The following INPP5B variants were observed in gnomAD, a reference collection of about 807,000 sequenced individuals.
The protein encoded by INPP5B is inositol polyphosphate-5-phosphatase B.
Under a neutral mutation model 118.5 loss-of-function variants are expected in INPP5B, and 90 were observed. That is an observed-to-expected ratio of 0.76 (90% CI 0.64 to 0.90). INPP5B has a LOEUF of 0.90. Among genes scored for constraint, INPP5B ranks in the 40% least tolerant of loss-of-function variants. The pLI is 0.00. For missense variants in INPP5B, 984 were observed against 1,125.6 expected, an observed-to-expected ratio of 0.87 and a Z score of 1.80; for synonymous variants, 385 against 418.9, an observed-to-expected ratio of 0.92 and a Z score of 0.99.
At chr1:37,917,434 C>A (rs1298258535) in intron 7 of INPP5B, among the ~76,000 whole-genome samples, 1 of 149,780 alleles carries the variant, frequency 6.7e-6, no homozygotes, top group Non-Finnish European at 1.5e-5. Context: ...AGCAATTCTC[C>A]TGCCTCAGCC....
intron 8 of INPP5B, among the ~76,000 whole-genome samples, chr1:37,890,040 G>A (rs959994055): frequency 2.6e-5 from 4 of 152,080 alleles, no homozygotes. Context: ...TGTCATTAAC[G>A]CCTCACCCAC....
intron 7 of INPP5B, among the ~76,000 whole-genome samples, chr1:37,894,717 A>C (rs1431197428): frequency 6.6e-6 from 1 of 151,948 alleles, no homozygotes; most frequent in East Asian, 1.9e-4. Context: ...ACGCAACACC[A>C]CACTCAAGTA....
chr1:37,893,063 G>GT (rs1341962813), intron 7 of INPP5B, among the ~76,000 whole-genome samples: 5 of 114,904 alleles, frequency 4.4e-5, no homozygotes, highest in African/African-American at 1.4e-4. Context: ...TTTCCTGTAT[G>GT]TTTTTTTATT....
Position 37,875,669 on chromosome 1 carries a change from A to G in INPP5B, c.1725T>C (p.Ile575=), listed in dbSNP as rs376043866. 18 of 1,614,018 alleles carry G rather than the reference A, an allele frequency of 1.1e-5. No homozygotes were observed. The highest frequency in any genetic ancestry group is 1.7e-5 in the Admixed American group (1 of 59,996). The change falls in exon 17 of 24, where the codon ATT becomes ATC. Residue 575 remains isoleucine (I), a synonymous_variant. Transcript: ENST00000373024. The stretch of plus-strand genomic sequence containing the variant: ...TTTCCATCTTATCCAGGGAGCGAAC[A>G]ATTTCCTCCAGTGTCTTCCGGTAAA... ...DELYRKTLEE[I]VRSLDKMENA... is the part of the protein sequence containing the mutation.
intron 5 of INPP5B, among the ~76,000 whole-genome samples, 170 bp from the exon 6 acceptor site, chr1:37,940,968 G>A (rs1007372102): frequency 2.6e-5 from 4 of 152,116 alleles, no homozygotes; most frequent in African/African-American, 9.7e-5. Context: ...TCTGTACCCT[G>A]AGTTCCAAAT....
At chr1:37,864,641 C>T (rs1019941311) in intron 22 of INPP5B, 12 of 378,336 alleles carry the variant, frequency 3.2e-5, no homozygotes, top group South Asian at 1.1e-4. Flanking sequence ...TCCTATAAGA[C>T]TGAAAGAAAT....
chr1:37,940,784 C>T lies in INPP5B; in HGVS notation c.295G>A (p.Val99Ile), dbSNP rs200111067. The change falls in exon 6 of 24, where the codon GTC becomes ATC. Residue 99 changes from valine to isoleucine, a missense_variant. By Grantham distance (29) the Val-to-Ile change is conservative. Transcript: ENST00000373024. ...ELYILGSDVT[V>I]QLDTAELSLV... Reference sequence around the variant, plus strand: ...CTAAGCTCTGCTGTGTCCAGCTGGACGGTCACATCTGAGCCTGCACAAAGG... The same window carrying T: ...CTAAGCTCTGCTGTGTCCAGCTGGATGGTCACATCTGAGCCTGCACAAAGG... 5.6e-5 allele frequency: 90 copies of T among 1,612,914 alleles called. No homozygotes were observed. In the Admixed American group the frequency reaches 5.8e-4, roughly 10 times the overall value.
chr1:37,862,574 T>G (rs1641763668), intron 23 of INPP5B, 144 bp from the exon 24 acceptor site: 1 of 645,104 alleles, frequency 1.6e-6, no homozygotes, highest in African/African-American at 1.8e-5. Context: ...GTACTTAAAC[T>G]TTCACAAACC....
Position 37,908,464 on chromosome 1 carries a change from G to T in INPP5B, c.533-17010C>A, listed in dbSNP as rs577092235. On this transcript the variant is annotated intron_variant, in intron 7 of 23. Transcript: ENST00000373024. ...TAGAGACAAGGAGACGGCCAGGTGC[G>T]GTGGCTCACGCCTGCAATCCCAGCT... 4.6e-5 allele frequency among the ~76,000 whole-genome samples: 7 copies of T among 152,190 alleles called. No individual in the cohort carries two copies. In the South Asian group the frequency reaches 1.5e-3, roughly 32 times the overall value.
Position 37,887,456 on chromosome 1 carries a change from C to G in INPP5B, c.909G>C (p.Glu303Asp), listed in dbSNP as rs771767407. 1 of 1,593,144 alleles carries G rather than the reference C, an allele frequency of 6.3e-7. No individual in the cohort carries two copies. Among genetic ancestry groups the G allele is most frequent in the Non-Finnish European group, 8.6e-7 (1 of 1,166,034 alleles). The change falls in exon 11 of 24, where the codon GAG becomes GAC. Residue 303 changes from glutamate (E) to aspartate (D), a missense_variant. Glu to Asp is a conservative substitution (Grantham distance 45). Transcript: ENST00000373024. Reference sequence around the variant, plus strand: ...AAAAAGCTTCCTTACTCAGATCAAGCTCCTGGAACCTATTTTGAGAAGCAA... The same window carrying G: ...AAAAAGCTTCCTTACTCAGATCAAGGTCCTGGAACCTATTTTGAGAAGCAA... ...APDVYCVGFQ[E>D]LDLSKEAFFF... is the part of the protein sequence containing the mutation.
At chr1:37,882,098 C>CA (rs527571929) in intron 14 of INPP5B, among the ~76,000 whole-genome samples, 1,769 of 104,638 alleles carry the variant, frequency 0.017, 29 homozygotes, top group African/African-American at 0.054. Context: ...GACTCTGTCT[C>CA]AAAAAAAAAA....
intron 6 of INPP5B, among the ~76,000 whole-genome samples, chr1:37,938,270 A>AAAATAAATAAATAAATAAAT (rs71057106): frequency 2.8e-4 from 33 of 118,842 alleles, no homozygotes; most frequent in African/African-American, 8.0e-4. Context: ...CTCTGTCTCA[A>AAAATAAATAAATAAATAAAT]AAATAAATAA....
chr1:37,931,866 C>A (rs571103749), intron 7 of INPP5B, 47 bp downstream of exon 7: 7 of 1,613,038 alleles, frequency 4.3e-6, no homozygotes, highest in South Asian at 3.3e-5. Flanking sequence ...CCCCCTGTGG[C>A]CGGGCCTCCT....
At chr1:37,939,454 T>TG (rs1323639518) in intron 6 of INPP5B, among the ~76,000 whole-genome samples, 1 of 150,248 alleles carries the variant, frequency 6.7e-6, no homozygotes, top group East Asian at 1.9e-4. Flanking sequence ...TGTTTTTGTT[T>TG]TTTTTTTTTG....
intron 7 of INPP5B, among the ~76,000 whole-genome samples, chr1:37,906,958 C>T (rs1488102927): frequency 6.6e-6 from 1 of 151,942 alleles, no homozygotes; most frequent in African/African-American, 2.4e-5. Context: ...TTAGACTGAC[C>T]CTACTTATTT....
chr1:37,895,147 T>C (rs1643978751), intron 7 of INPP5B, among the ~76,000 whole-genome samples: 1 of 152,128 alleles, frequency 6.6e-6, no homozygotes, highest in South Asian at 2.1e-4. Flanking sequence ...ATGACTGAAA[T>C]TTAAAAAAAA....
chr1:37,921,715 T>A (rs1645061323), intron 7 of INPP5B, among the ~76,000 whole-genome samples: 1 of 151,584 alleles, frequency 6.6e-6, no homozygotes, highest in Non-Finnish European at 1.5e-5. Context: ...AAAATAATAA[T>A]GAATAAAATA....
chr1:37,921,060 C>G (rs556710383), intron 7 of INPP5B, among the ~76,000 whole-genome samples: 1 of 152,028 alleles, frequency 6.6e-6, no homozygotes, highest in African/African-American at 2.4e-5. Context: ...GAGCCGAGAT[C>G]GCGTCACTGC....
intron 7 of INPP5B, chr1:37,928,859 T>C (rs1645341568): frequency 1.3e-5 from 2 of 152,054 alleles, no homozygotes; most frequent in African/African-American, 4.8e-5. Flanking sequence ...GGTATTTTGA[T>C]CATATGCATA....
Sources: allele counts gnomAD v4.1 joint callset (sites outside exome capture counted in the v4.1 genomes callset), GRCh38; gene constraint gnomAD v4.1.1; transcripts MANE v1.5; gene names NCBI Gene and HGNC (gene_info 2026-07-23, HGNC 2026-07-21).